Variants in CHEK1 observed in about 807,000 individuals in gnomAD.
CHEK1 encodes checkpoint kinase 1.
Under a neutral mutation model 60.2 loss-of-function variants are expected in CHEK1, and 32 were observed. That is an observed-to-expected ratio of 0.53 (90% CI 0.40 to 0.71). CHEK1 has a LOEUF of 0.71. Ranked by LOEUF, CHEK1 falls within the 30% of genes least tolerant of loss-of-function variation. The pLI, the probability that CHEK1 is intolerant of heterozygous loss-of-function variation, is 0.00. For synonymous variants in CHEK1, 179 were observed against 187.2 expected, an observed-to-expected ratio of 0.96 and a Z score of 0.36; for missense variants, 399 against 564.6, an observed-to-expected ratio of 0.71 and a Z score of 2.97.
downstream of CHEK1, chr11:125,678,139 T>C (rs1269967881): frequency 1.2e-6 from 2 of 1,614,194 alleles, no homozygotes; most frequent in Non-Finnish European, 1.7e-6. Context: ...CCATGCTCAC[T>C]GGAACCATGC....
downstream of CHEK1, among the ~76,000 whole-genome samples, chr11:125,659,942 T>C (rs1941981745): frequency 6.6e-6 from 1 of 152,230 alleles, no homozygotes; most frequent in Admixed American, 6.5e-5. Flanking sequence ...TCCAGACATT[T>C]CATATAAATA....
At chr11:125,668,174 G>A (rs1413796598) in intron 13 of CHEK1, among the ~76,000 whole-genome samples, 2 of 152,140 alleles carry the variant, frequency 1.3e-5, no homozygotes, top group East Asian at 3.8e-4. Context: ...TCCTAACAAT[G>A]TCTTTTGTAA....
chr11:125,628,595 C>T (rs1306802693), intron 3 of CHEK1, among the ~76,000 whole-genome samples: 1 of 152,084 alleles, frequency 6.6e-6, no homozygotes, highest in Non-Finnish European at 1.5e-5. Flanking sequence ...ACCTCACAGG[C>T]ATTTGTGGTT....
intron 9 of CHEK1, 46 bp downstream of exon 9, chr11:125,643,946 A>G (rs368532903): frequency 1.3e-6 from 2 of 1,551,226 alleles, no homozygotes; most frequent in African/African-American, 2.7e-5. Flanking sequence ...AGTATTCCCC[A>G]TGAAGAATAA....
At position 125,655,373 on chromosome 11, in the gene CHEK1, A is replaced by G; in HGVS notation, c.*53A>G. ...GTGAATATAGTGCTGCTATGTTGAC[A>G]TTATTCTTCCTAGAGAAGATTATCC... On this transcript the variant is annotated 3_prime_UTR_variant, in exon 13 of 13. Transcript: ENST00000438015. 7.9e-7 allele frequency: 1 copy of G among 1,272,730 alleles called. No individual in the cohort carries two copies. Among genetic ancestry groups the G allele is most frequent in the South Asian group, 1.2e-5 (1 of 80,324 alleles). The allele number at this position is 1,272,730 out of a possible 1,614,324, so 78.8% of individuals were successfully genotyped here.
intron 13 of CHEK1, chr11:125,672,732 G>A (rs375301897): frequency 6.2e-7 from 1 of 1,613,736 alleles, no homozygotes; most frequent in Non-Finnish European, 8.5e-7. Context: ...AAGGAGCAGA[G>A]ACAGACTAGT....
chr11:125,678,978 T>TTTTATATATATA (rs1555078664), downstream of CHEK1, among the ~76,000 whole-genome samples: 1 of 88,436 alleles, frequency 1.1e-5, no homozygotes, highest in East Asian at 3.0e-4. Context: ...TCTAGGCATA[T>TTTTATATATATA]TATATATATA....
intron 11 of CHEK1, among the ~76,000 whole-genome samples, 167 bp downstream of exon 11, chr11:125,644,810 A>T (rs1591410020): frequency 6.6e-6 from 1 of 152,096 alleles, no homozygotes; most frequent in Non-Finnish European, 1.5e-5. Context: ...GGGGTTCGAG[A>T]CCAGCCTGGC....
chr11:125,645,443 A>C (rs765867178), intron 11 of CHEK1, among the ~76,000 whole-genome samples: 3 of 152,214 alleles, frequency 2.0e-5, no homozygotes, highest in Admixed American at 6.5e-5. Flanking sequence ...AAAGACAAAT[A>C]GGGTAGCTGT....
At position 125,629,451 on chromosome 11, in the gene CHEK1, G is replaced by T. The variant is rs371765740; in HGVS notation, c.415G>T (p.Asp139Tyr). 1.3e-4 allele frequency: 203 copies of T among 1,610,276 alleles called. No homozygotes were observed. Among genetic ancestry groups the T allele is most frequent in the Non-Finnish European group, 1.7e-4 (201 of 1,177,024 alleles). Residue 139 changes from aspartate (D) to tyrosine (Y), a missense_variant, in exon 5 of 13, where the codon GAT (aspartate) becomes TAT (tyrosine). This residue lies in a region of CHEK1 where 370 missense variants were observed against 494.8 expected (regional missense o/e 0.75). Coordinates refer to ENST00000438015, the MANE Select transcript of CHEK1 (RefSeq NM_001114122.3). ...TATTAAACCAGAAAATCTTCTGTTG[G>T]ATGAAAGGGGTAAGTTTAGCATTTT... ...RDIKPENLLL[D>Y]ERDNLKISDF...
chr11:125,681,063 T>TTA (rs35513824), downstream of CHEK1: 2 of 168,586 alleles, frequency 1.2e-5, no homozygotes, highest in East Asian at 1.4e-4. The surrounding 1 kb of genome is among the most constrained non-coding windows in gnomAD (Gnocchi z 4.2). Context: ...GCCCTATCTT[T>TTA]AAAAAAAAAA....
chr11:125,672,678 A>G (rs1220437594), intron 13 of CHEK1: 3 of 1,614,216 alleles, frequency 1.9e-6, no homozygotes, highest in Non-Finnish European at 2.5e-6. Flanking sequence ...AGATGGGCAC[A>G]TGTTCTCACA....
chr11:125,652,027 T>C (rs1459192981), intron 11 of CHEK1, among the ~76,000 whole-genome samples: 1 of 152,222 alleles, frequency 6.6e-6, no homozygotes, highest in East Asian at 1.9e-4. Flanking sequence ...GAATATCTTG[T>C]ATTAATTTTC....
intron 11 of CHEK1, among the ~76,000 whole-genome samples, chr11:125,646,240 AGT>A (rs1941501381): frequency 6.6e-6 from 1 of 152,180 alleles, no homozygotes; most frequent in Admixed American, 6.5e-5. Flanking sequence ...TATAACATGT[AGT>A]CCTTTGGGTC....
At chr11:125,668,993 A>G (rs1273909529) in intron 13 of CHEK1, among the ~76,000 whole-genome samples, 1 of 152,202 alleles carries the variant, frequency 6.6e-6, no homozygotes, top group East Asian at 1.9e-4. Context: ...TTTCAAAAGT[A>G]TAGGTCCACT....
intron 1 of CHEK1, 180 bp downstream of exon 1, chr11:125,626,192 G>C: frequency 1.7e-6 from 1 of 594,374 alleles, no homozygotes. Context: ...TTCCCGTTGT[G>C]GGGGCGGGGG....
intron 13 of CHEK1, among the ~76,000 whole-genome samples, chr11:125,662,650 A>T (rs930105440): frequency 1.2e-4 from 18 of 152,302 alleles, no homozygotes; most frequent in Non-Finnish European, 2.5e-4. Context: ...CATCTTTGTT[A>T]TATCTACTCT....
In CHEK1 at chr11:125,643,570, T is replaced by C. The variant is rs191169617; in HGVS notation, c.815-222T>C. 4.2e-5 allele frequency: 21 copies of C among 499,264 alleles called. No homozygotes were observed. The Admixed American group carries it at 7.1e-4, about 17-fold the overall frequency. 30.9% of individuals were successfully genotyped at this position (499,264 alleles called of 1,614,324 possible). A position where few individuals can be genotyped will look rare whatever the true frequency, so the allele number is the denominator to read the frequency against. On this transcript the variant is annotated intron_variant, in intron 8 of 12. Transcript: ENST00000438015. ...ATGTCTACAGATCATACTTAGGTAT[T>C]GTAAAATACCTAATTTGACAAATGA...
chr11:125,638,740 A>G (rs1192301698), intron 8 of CHEK1, among the ~76,000 whole-genome samples: 1 of 151,746 alleles, frequency 6.6e-6, no homozygotes, highest in Non-Finnish European at 1.5e-5. Context: ...TAACTTTTGA[A>G]CCCCAAATTA....
Sources: gnomAD v4.1 joint callset for allele counts (sites outside exome capture counted in the v4.1 genomes callset) on GRCh38, gnomAD v4.1.1 for gene constraint, gnomAD v4.1.1 regional missense constraint, Gnocchi (gnomAD v3.1) non-coding constraint, MANE v1.5 for transcripts, NCBI Gene and HGNC (gene_info 2026-07-23, HGNC 2026-07-21) for gene names.